COL6A6: variants seen among roughly 807,000 people sequenced by gnomAD.
COL6A6 encodes the protein collagen alpha-6(VI) chain.
Under a neutral mutation model 208.6 loss-of-function variants are expected in COL6A6, and 183 were observed. The observed-to-expected ratio is 0.88, with a 90% CI of 0.78 to 0.99. The LOEUF (loss-of-function observed/expected upper bound fraction) is 0.99. Among genes scored for constraint, COL6A6 ranks in the 50% least tolerant of loss-of-function variants. The probability of loss-of-function intolerance (pLI) is 0.00; values close to 1 mark genes in which losing one functional copy is unlikely to be tolerated. For missense variants in COL6A6, 2,816 were observed against 2,815.2 expected (o/e 1.00, Z -0.01); for synonymous variants, 973 against 1,011.8 (o/e 0.96, Z 0.73).
At position 130,643,011 on chromosome 3, in the gene COL6A6, C is replaced by T. The variant is rs370896099; in HGVS notation, c.5215C>T (p.Arg1739Ter). 1.4e-5 allele frequency: 22 copies of T among 1,613,696 alleles called. No homozygotes were observed. Among genetic ancestry groups the T allele is most frequent in the African/African-American group, 9.3e-5 (7 of 75,042 alleles). Residue 1739 changes from arginine (R) to a stop codon, truncating the protein, a stop_gained, in exon 31 of 37, where the codon CGA becomes TGA. Transcript: ENST00000358511. LOFTEE classifies it high-confidence loss of function. ...FSTCELIQYV[R>*]DRSPGRHGKP... Reference sequence around the variant, plus strand: ...GACATGTGAGCTCATTCAGTATGTGCGAGACCGCAGTCGTAAGTACCCTGC... The same window carrying T: ...GACATGTGAGCTCATTCAGTATGTGTGAGACCGCAGTCGTAAGTACCCTGC...
chr3:130,642,805 A>C (rs760141753), intron 29 of COL6A6, 27 bp from the exon 30 acceptor site: 8 of 1,610,882 alleles, frequency 5.0e-6, no homozygotes, highest in Non-Finnish European at 6.8e-6. Flanking sequence ...TAGAGGCATT[A>C]AAACAATGTT....
chr3:130,670,442 T>C (rs2066183505), intron 36 of COL6A6, among the ~76,000 whole-genome samples: 1 of 152,202 alleles, frequency 6.6e-6, no homozygotes, highest in South Asian at 2.1e-4. Context: ...ATTTGAGTTT[T>C]ATAGTGAAGT....
intron 1 of COL6A6, among the ~76,000 whole-genome samples, chr3:130,546,513 C>T (rs1043383056): frequency 6.6e-6 from 1 of 152,188 alleles, no homozygotes; most frequent in African/African-American, 2.4e-5. Flanking sequence ...AGCAGGTTAC[C>T]TTTGCTGGCT....
intron 36 of COL6A6, among the ~76,000 whole-genome samples, chr3:130,669,664 A>G (rs1285888491): frequency 2.6e-5 from 4 of 152,148 alleles, no homozygotes; most frequent in Non-Finnish European, 5.9e-5. Context: ...TATATTTGAA[A>G]AAACAGACTA....
chr3:130,560,466 T>C (rs754813387), intron 2 of COL6A6, 38 bp downstream of exon 2: 21 of 1,535,620 alleles, frequency 1.4e-5, no homozygotes, highest in Admixed American at 3.4e-5. Context: ...ATTTTGATTA[T>C]AGAAAATAGA....
intron 18 of COL6A6, among the ~76,000 whole-genome samples, chr3:130,595,727 C>A (rs572044110): frequency 6.6e-6 from 1 of 152,200 alleles, no homozygotes; most frequent in South Asian, 2.1e-4. Context: ...GGGTTGCTCC[C>A]AGTTTTTGCT....
intron 1 of COL6A6, among the ~76,000 whole-genome samples, chr3:130,530,883 A>G (rs1434705030): frequency 6.6e-6 from 1 of 152,092 alleles, no homozygotes; most frequent in East Asian, 1.9e-4. Flanking sequence ...CAGACTTAAG[A>G]TGGCAACATC....
At position 130,662,315 on chromosome 3, in the gene COL6A6, C is replaced by A. The variant is rs2065958758; in HGVS notation, c.6502+7C>A. 2 of 1,605,486 alleles carry A rather than the reference C, an allele frequency of 1.2e-6. No individual in the cohort carries two copies. Among genetic ancestry groups the A allele is most frequent in the South Asian group, 2.2e-5 (2 of 90,582 alleles). The stretch of plus-strand genomic sequence containing the variant: ...TTTATAAACTCAATCAGGCGTAAGT[C>A]ATAAAATCTGTTGTTCTCTGCACTT... On this transcript the variant is annotated splice_region_variant and intron_variant, in intron 35 of 36. Transcript: ENST00000358511.
chr3:130,644,943 C>T (rs2065425149), intron 31 of COL6A6, 48 bp from the exon 32 acceptor site: 1 of 1,584,208 alleles, frequency 6.3e-7, no homozygotes, highest in Admixed American at 1.7e-5. Context: ...ACAGAACTCT[C>T]TTCTCCTACC....
chr3:130,626,729 A>C (rs1373286011), intron 25 of COL6A6, among the ~76,000 whole-genome samples, 182 bp downstream of exon 25: 1 of 152,172 alleles, frequency 6.6e-6, no homozygotes, highest in South Asian at 2.1e-4. Context: ...CAAGGTGGCA[A>C]TTCCCCAGGT....
rs537059101 is a variant in COL6A6, at chr3:130,611,883, C to T, written c.4815+1172C>T. 5.3e-5 allele frequency among the ~76,000 whole-genome samples: 8 copies of T among 152,248 alleles called. No homozygotes were observed. In the South Asian group the frequency reaches 1.7e-3, roughly 32 times the overall value. On this transcript the variant is annotated intron_variant, in intron 23 of 36. Coordinates refer to ENST00000358511, the MANE Select transcript of COL6A6 (RefSeq NM_001102608.3). ...GTTTGGCATACATATTATTTTGCCA[C>T]CCAGATAATAAGCATAGTACTAAAT...
chr3:130,634,773 A>AT (rs2065061794), intron 27 of COL6A6, 148 bp downstream of exon 27: 2 of 591,266 alleles, frequency 3.4e-6, no homozygotes, highest in East Asian at 3.1e-5. Flanking sequence ...ATAGACCAAT[A>AT]TTTTTTCAAT....
intron 22 of COL6A6, among the ~76,000 whole-genome samples, chr3:130,609,691 G>A (rs939139882): frequency 6.6e-6 from 1 of 152,158 alleles, no homozygotes; most frequent in African/African-American, 2.4e-5. Flanking sequence ...TGAGGAATAA[G>A]TGTTCTATTT....
chr3:130,616,750 A>C (rs914971109), intron 23 of COL6A6, among the ~76,000 whole-genome samples: 1 of 152,140 alleles, frequency 6.6e-6, no homozygotes, highest in Admixed American at 6.6e-5. Context: ...TACAAAGCAT[A>C]GCACAGTGGT....
At position 130,644,903 on chromosome 3, in the gene COL6A6, A is replaced by G. The variant is rs564160131; in HGVS notation, c.5228-88A>G. 4.3e-4 allele frequency: 520 copies of G among 1,221,854 alleles called. 5 individuals carry two copies. In the South Asian group the frequency reaches 6.0e-3, roughly 14 times the overall value. The allele number at this position is 1,221,854 out of a possible 1,614,324, so 75.7% of individuals were successfully genotyped here. A position where few individuals can be genotyped will look rare whatever the true frequency, so the allele number is the denominator to read the frequency against. On this transcript the variant is annotated intron_variant, in intron 31 of 36. Transcript: ENST00000358511. ...TTTTTGAGTCATCTACAAAAAGCAG[A>G]CAGGATAGAACCTTTCTTTCCTGCA...
intron 1 of COL6A6, among the ~76,000 whole-genome samples, chr3:130,540,835 T>C (rs969299564): frequency 6.6e-6 from 1 of 152,220 alleles, no homozygotes; most frequent in Non-Finnish European, 1.5e-5. Context: ...AAGGATATAA[T>C]CTCATTTCTT....
intron 1 of COL6A6, among the ~76,000 whole-genome samples, chr3:130,552,506 T>A (rs754636220): frequency 1.3e-5 from 2 of 152,216 alleles, no homozygotes; most frequent in Non-Finnish European, 2.9e-5. Context: ...CCTTCATGCC[T>A]TTACTTTGAG....
In COL6A6 at chr3:130,565,567, C is replaced by T. The variant is rs2062998920; in HGVS notation, c.1235C>T (p.Thr412Ile). The T allele has an allele frequency of 6.2e-7, 1 of 1,613,528 alleles. No homozygotes were observed. Among genetic ancestry groups the T allele is most frequent in the Non-Finnish European group, 8.5e-7 (1 of 1,179,706 alleles). Residue 412 changes from threonine to isoleucine, a missense_variant, in exon 4 of 37, where the codon ACA (threonine) becomes ATA (isoleucine). Transcript: ENST00000358511. ...TFLKKLRNQI[T>I]HTVSVFSERT... The stretch of plus-strand genomic sequence containing the variant: ...CTGAAGAAGCTGCGGAACCAAATAA[C>T]ACACACAGTCTCTGTCTTTTCAGAG...
At chr3:130,605,686 A>G (rs550887094) in intron 20 of COL6A6, among the ~76,000 whole-genome samples, 1 of 152,314 alleles carries the variant, frequency 6.6e-6, no homozygotes, top group South Asian at 2.1e-4. Context: ...TTCTTTTATA[A>G]CAATAGTGTA....
Sources: gnomAD v4.1 joint callset for allele counts (sites outside exome capture counted in the v4.1 genomes callset) on GRCh38, gnomAD v4.1.1 for gene constraint, MANE v1.5 for transcripts, NCBI Gene and HGNC (gene_info 2026-07-23, HGNC 2026-07-21) for gene names.